The following RBMS3 variants were observed in gnomAD, a reference collection of about 807,000 sequenced individuals.
RBMS3 encodes the protein RNA-binding motif, single-stranded-interacting protein 3.
In RBMS3, 27 loss-of-function variants were observed where a neutral mutation model predicts 66.8. The ratio of observed to expected loss-of-function variants is 0.40; its 90% CI spans 0.30 to 0.56. RBMS3 has a LOEUF of 0.56. RBMS3 is among the 20% of genes least tolerant of loss of function. RBMS3 has a pLI of 0.40. For synonymous variants in RBMS3, 188 were observed against 183.0 expected (o/e 1.03, Z -0.22); for missense variants, 513 against 549.5 (o/e 0.93, Z 0.66).
chr3:29,490,940 A>G (rs1052072847), intron 3 of RBMS3, among the ~76,000 whole-genome samples: 7 of 152,270 alleles, frequency 4.6e-5, no homozygotes, highest in Admixed American at 3.3e-4. Context: ...GGTAAGCAAC[A>G]CCTGGAAACC....
intron 1 of RBMS3, among the ~76,000 whole-genome samples, chr3:29,342,616 G>A (rs546789124): frequency 1.2e-4 from 19 of 152,220 alleles, no homozygotes; most frequent in African/African-American, 3.4e-4. Context: ...GCTATATGCC[G>A]AGGATATTAT....
chr3:29,769,748 T>C (rs2056115335), intron 6 of RBMS3, among the ~76,000 whole-genome samples: 1 of 151,918 alleles, frequency 6.6e-6, no homozygotes, highest in African/African-American at 2.4e-5. Context: ...GTTTCATGAA[T>C]TAAATGACAA....
At chr3:29,670,967 A>AC (rs1186408155) in intron 4 of RBMS3, among the ~76,000 whole-genome samples, 2 of 151,998 alleles carry the variant, frequency 1.3e-5, no homozygotes, top group African/African-American at 4.8e-5. Flanking sequence ...TGAGACCCTG[A>AC]CCCCCAAGTA....
intron 1 of RBMS3, among the ~76,000 whole-genome samples, chr3:29,426,509 T>C (rs2040966351): frequency 6.6e-6 from 1 of 152,236 alleles, no homozygotes; most frequent in South Asian, 2.1e-4. Context: ...TGCAATCTGC[T>C]GAGGTTTTCA....
chr3:29,520,590 G>A (rs1220661268), intron 3 of RBMS3, among the ~76,000 whole-genome samples: 8 of 152,168 alleles, frequency 5.3e-5, no homozygotes, highest in Admixed American at 5.2e-4. Context: ...TGAGAAGAAG[G>A]AGAGTATATC....
chr3:29,622,869 A>C (rs977350426), intron 4 of RBMS3, among the ~76,000 whole-genome samples: 6 of 152,152 alleles, frequency 3.9e-5, no homozygotes, highest in African/African-American at 1.4e-4. Context: ...CTGTAATCCC[A>C]GTTTTGGGAG....
intron 12 of RBMS3, among the ~76,000 whole-genome samples, chr3:29,957,918 C>T (rs1696154807): frequency 1.3e-5 from 2 of 152,090 alleles, no homozygotes; most frequent in Admixed American, 1.3e-4. Context: ...TTTACAGATT[C>T]TCTGGACACA....
intron 4 of RBMS3, among the ~76,000 whole-genome samples, chr3:29,605,610 G>A (rs2048297119): frequency 1.3e-5 from 2 of 151,896 alleles, no homozygotes; most frequent in Non-Finnish European, 2.9e-5. Flanking sequence ...AGTAGAAATG[G>A]AAGATAATGT....
At chr3:29,476,698 T>C (rs1363025083) in intron 2 of RBMS3, among the ~76,000 whole-genome samples, 1 of 152,210 alleles carries the variant, frequency 6.6e-6, no homozygotes, top group African/African-American at 2.4e-5. Context: ...TTATTTTGAA[T>C]TAAAGCTGGC....
intron 4 of RBMS3, among the ~76,000 whole-genome samples, chr3:29,676,913 G>A (rs1293227647): frequency 6.6e-6 from 1 of 152,060 alleles, no homozygotes; most frequent in Non-Finnish European, 1.5e-5. Flanking sequence ...TTGACACTGG[G>A]TAATTTATGA....
intron 4 of RBMS3, among the ~76,000 whole-genome samples, chr3:29,603,513 T>C (rs934737214): frequency 6.6e-5 from 10 of 152,060 alleles, no homozygotes; most frequent in African/African-American, 2.4e-4. Context: ...GTGGTTCTCT[T>C]GACTGAGAGG....
intron 3 of RBMS3, among the ~76,000 whole-genome samples, chr3:29,500,326 G>C (rs1457276872): frequency 6.6e-6 from 1 of 150,868 alleles, no homozygotes; most frequent in Non-Finnish European, 1.5e-5. Context: ...ACAAGTCAAA[G>C]ATTCCCGTAT....
At chr3:29,932,541 G>A (rs533218387) in intron 10 of RBMS3, among the ~76,000 whole-genome samples, 6 of 152,092 alleles carry the variant, frequency 3.9e-5, no homozygotes, top group Non-Finnish European at 8.8e-5. Flanking sequence ...AGTTGGGGTG[G>A]CACTGACCTA....
intron 1 of RBMS3, among the ~76,000 whole-genome samples, chr3:29,376,695 C>T (rs753373055): frequency 2.0e-5 from 3 of 152,166 alleles, no homozygotes; most frequent in Non-Finnish European, 4.4e-5. Context: ...ATCACGAGGT[C>T]AGGAGATGGA....
chr3:29,663,786 A>G (rs2050649132), intron 4 of RBMS3, among the ~76,000 whole-genome samples: 1 of 152,192 alleles, frequency 6.6e-6, no homozygotes, highest in Admixed American at 6.5e-5. Flanking sequence ...GATACAGAGA[A>G]TATCATGGTT....
chr3:29,856,443 A>AGAT (rs10651498), intron 6 of RBMS3, among the ~76,000 whole-genome samples: 9,955 of 152,204 alleles, frequency 0.065, 963 homozygotes, highest in African/African-American at 0.2. Context: ...GTGGAAAGTG[A>AGAT]GATGCACACA....
Position 29,666,559 on chromosome 3 carries a change from G to A in RBMS3, c.400-73161G>A, listed in dbSNP as rs114223146. Among the ~76,000 whole-genome samples the A allele has an allele frequency of 7.0e-3, 1,067 of 152,212 alleles. 22 individuals carry two copies. Among genetic ancestry groups the A allele is most frequent in the African/African-American group, 0.024 (977 of 41,530 alleles). Reference sequence around the variant, plus strand: ...ATATGGCTAACATGTGGGTTAATGAGAAAGCTAACTCCTTTTTATACTTGA... The same window carrying A: ...ATATGGCTAACATGTGGGTTAATGAAAAAGCTAACTCCTTTTTATACTTGA... On this transcript the variant is annotated intron_variant, in intron 4 of 14. Transcript: ENST00000383767.
chr3:29,860,037 G>A (rs1048013959), intron 6 of RBMS3, among the ~76,000 whole-genome samples: 7 of 152,212 alleles, frequency 4.6e-5, no homozygotes, highest in Admixed American at 3.9e-4. Context: ...TCCTGGATAT[G>A]ACAAACAAAA....
At chr3:29,349,407 A>G (rs911966189) in intron 1 of RBMS3, among the ~76,000 whole-genome samples, 15 of 152,208 alleles carry the variant, frequency 9.9e-5, no homozygotes, top group Non-Finnish European at 4.4e-5. Flanking sequence ...TGCCCAAAGC[A>G]GTTCATCAGT....
Sources: allele counts gnomAD v4.1 joint callset (sites outside exome capture counted in the v4.1 genomes callset), GRCh38; gene constraint gnomAD v4.1.1; transcripts MANE v1.5; gene names NCBI Gene and HGNC (gene_info 2026-07-23, HGNC 2026-07-21).